The following SCFD2 variants were observed in gnomAD, a reference collection of about 807,000 sequenced individuals.
SCFD2 encodes the protein sec1 family domain-containing protein 2.
A neutral mutation model predicts 58.9 loss-of-function variants in SCFD2; 54 were observed. The observed-to-expected ratio is 0.92, with a 90% confidence interval of 0.74 to 1.15. The LOEUF (loss-of-function observed/expected upper bound fraction) is 1.15, where lower values mean the gene tolerates loss of function less well. Ranked by LOEUF, SCFD2 falls within the 50% of genes most tolerant of loss-of-function variation. The pLI is 0.00. For missense variants in SCFD2, 805 were observed against 836.6 expected, an observed-to-expected ratio of 0.96 and a Z score of 0.47; for synonymous variants, 321 against 335.9, an observed-to-expected ratio of 0.96 and a Z score of 0.49.
chr4:53,203,860 T>C (rs1333918772), intron 4 of SCFD2, among the ~76,000 whole-genome samples: 2 of 152,102 alleles, frequency 1.3e-5, no homozygotes, highest in South Asian at 4.1e-4. Context: ...TCCATCCAGA[T>C]CACTCAGCAG....
chr4:53,191,014 G>A (rs964999087), intron 4 of SCFD2, among the ~76,000 whole-genome samples: 2 of 152,144 alleles, frequency 1.3e-5, no homozygotes, highest in East Asian at 1.9e-4. Flanking sequence ...AAGTATAAGG[G>A]TTGCATTTAC....
intron 5 of SCFD2, among the ~76,000 whole-genome samples, chr4:52,960,612 G>A (rs1280926596): frequency 1.3e-5 from 2 of 151,700 alleles, no homozygotes; most frequent in East Asian, 1.9e-4. Context: ...CAGGTGATCC[G>A]CCTGTCTCAG....
chr4:53,316,097 C>T (rs576836865), intron 2 of SCFD2, among the ~76,000 whole-genome samples: 2 of 152,304 alleles, frequency 1.3e-5, no homozygotes, highest in East Asian at 3.9e-4. Context: ...CCCCTTACTG[C>T]CCTGCTTAAA....
chr4:52,917,082 AT>A (rs532185576), intron 6 of SCFD2, among the ~76,000 whole-genome samples: 5 of 151,902 alleles, frequency 3.3e-5, no homozygotes, highest in South Asian at 2.1e-4. Context: ...AAATTTAAGA[AT>A]TTTTTTAGAG....
At chr4:52,954,191 C>A (rs1720661110) in intron 5 of SCFD2, among the ~76,000 whole-genome samples, 1 of 152,246 alleles carries the variant, frequency 6.6e-6, no homozygotes, top group East Asian at 1.9e-4. Context: ...TCTGTCACCA[C>A]AACCTCCTCT....
rs1365809347 is a variant in SCFD2 at position 53,168,624 on chromosome 4, ATATAT to A, written c.1312-23047_1312-23043del. The stretch of plus-strand genomic sequence containing the variant: ...CCTGAACATTTTTTATTATAGATTG[ATATAT>A]TATAGTTGTACATATTTATTGGGTA... On this transcript the variant is annotated intron_variant, in intron 4 of 8. Transcript: ENST00000401642. Among the ~76,000 whole-genome samples the A allele has an allele frequency of 2.6e-5, 4 of 152,222 alleles. 1 individual carries two copies. Among genetic ancestry groups the A allele is most frequent in the South Asian group, 4.1e-4 (2 of 4,828 alleles).
intron 5 of SCFD2, among the ~76,000 whole-genome samples, chr4:53,107,226 GCAC>G (rs1294930224): frequency 1.3e-5 from 2 of 152,130 alleles, no homozygotes; most frequent in Non-Finnish European, 2.9e-5. Flanking sequence ...CCTGAAGGAA[GCAC>G]TAAACATGGA....
intron 4 of SCFD2, among the ~76,000 whole-genome samples, chr4:53,235,746 G>C (rs1016115851): frequency 6.6e-6 from 1 of 152,164 alleles, no homozygotes; most frequent in African/African-American, 2.4e-5. Context: ...ATGTAAGCCT[G>C]ATATGTGTGG....
chr4:53,011,965 T>C (rs1250594860), intron 5 of SCFD2, among the ~76,000 whole-genome samples: 1 of 151,212 alleles, frequency 6.6e-6, no homozygotes, highest in African/African-American at 2.4e-5. Flanking sequence ...GGATTTTTCA[T>C]TGAGAATAAG....
At chr4:53,199,968 GAGAGGGA>G (rs1728177998) in intron 4 of SCFD2, among the ~76,000 whole-genome samples, 1 of 147,484 alleles carries the variant, frequency 6.8e-6, no homozygotes, top group Non-Finnish European at 1.5e-5. Context: ...GTGAGAGCAA[GAGAGGGA>G]GAGAGAGAGA....
intron 3 of SCFD2, among the ~76,000 whole-genome samples, chr4:53,302,872 T>C (rs1041221978): frequency 6.6e-6 from 1 of 152,196 alleles, no homozygotes; most frequent in East Asian, 1.9e-4. Context: ...ATTTAATAAA[T>C]GGTGCTGGGA....
chr4:52,894,122 T>G (rs764693091), intron 7 of SCFD2, among the ~76,000 whole-genome samples: 20 of 152,210 alleles, frequency 1.3e-4, no homozygotes, highest in African/African-American at 4.3e-4. Context: ...GGGACTCATA[T>G]CCACTCAAAC....
At chr4:52,940,993 C>T (rs1055538352) in intron 5 of SCFD2, among the ~76,000 whole-genome samples, 1 of 152,074 alleles carries the variant, frequency 6.6e-6, no homozygotes, top group African/African-American at 2.4e-5. Context: ...TCCCATGACA[C>T]CTCCCTTGAT....
chr4:53,151,140 CAAATACTGGGTTTGAAATCACAT>C, intron 4 of SCFD2, among the ~76,000 whole-genome samples: 1 of 152,164 alleles, frequency 6.6e-6, no homozygotes, highest in African/African-American at 2.4e-5. Context: ...GGGCAGCCTA[CAAATACTGGGTTTGAAATCACAT>C]CTTGGAACTT....
In SCFD2 at chr4:53,353,481, C is replaced by T. The variant is rs185219522; in HGVS notation, c.839-715G>A. Among the ~76,000 whole-genome samples, 34 of 152,340 alleles carry T rather than the reference C, an allele frequency of 2.2e-4. No individual in the cohort carries two copies. In the Middle Eastern group the frequency reaches 0.014, roughly 61 times the overall value. On this transcript the variant is annotated intron_variant, in intron 1 of 8. Coordinates refer to ENST00000401642, the MANE Select transcript of SCFD2 (RefSeq NM_152540.4). ...ACCAGGTTGCCACTGCTGTCTCGGG[C>T]AGCCTCCTTTTATTCCCTTATCTGA...
intron 5 of SCFD2, among the ~76,000 whole-genome samples, chr4:53,044,931 C>A (rs1723003006): frequency 2.3e-5 from 1 of 43,922 alleles, no homozygotes; most frequent in African/African-American, 4.9e-5. Flanking sequence ...CCACAAAAAA[C>A]TTGCTTTGAG....
At chr4:53,250,408 C>T (rs912557877) in intron 4 of SCFD2, among the ~76,000 whole-genome samples, 1 of 152,132 alleles carries the variant, frequency 6.6e-6, no homozygotes, top group South Asian at 2.1e-4. Context: ...AGAAAGTTAA[C>T]AAGGATACCC....
rs556519828 is a variant in SCFD2 at position 53,151,077 on chromosome 4, A to G, written c.1312-5495T>C. Among the ~76,000 whole-genome samples the G allele has an allele frequency of 5.3e-5, 8 of 152,328 alleles. No homozygotes were observed. The South Asian group carries it at 1.2e-3, about 24-fold the overall frequency. ...TCTTAGAACTGATTAAGATGGTTGG[A>G]AAGAGAATTAGACCTTCTAAGAAGA... is the stretch of plus-strand genomic sequence containing the variant. On this transcript the variant is annotated intron_variant, in intron 4 of 8. Coordinates refer to ENST00000401642, the MANE Select transcript of SCFD2 (RefSeq NM_152540.4).
intron 4 of SCFD2, among the ~76,000 whole-genome samples, chr4:53,207,619 G>C (rs372556653): frequency 0.12 from 4 of 34 alleles, 1 homozygote; most frequent in Non-Finnish European, 0.3. Context: ...TATATATACA[G>C]ACCCAAATCT....
Sources: gnomAD v4.1 joint callset for allele counts (sites outside exome capture counted in the v4.1 genomes callset) on GRCh38, gnomAD v4.1.1 for gene constraint, MANE v1.5 for transcripts, NCBI Gene and HGNC (gene_info 2026-07-23, HGNC 2026-07-21) for gene names.